Variants in SLC45A2 observed in about 807,000 individuals in gnomAD.
The protein encoded by SLC45A2 is membrane-associated transporter protein.
SLC45A2 carries 36 observed loss-of-function variants against 45.5 expected under a neutral mutation model. The ratio of observed to expected loss-of-function variants is 0.79; its 90% CI spans 0.61 to 1.04. The LOEUF (loss-of-function observed/expected upper bound fraction) is 1.04. Among genes scored for constraint, SLC45A2 ranks in the 50% least tolerant of loss-of-function variants. SLC45A2 has a pLI of 0.00. For missense variants in SLC45A2, 719 were observed against 671.0 expected, an observed-to-expected ratio of 1.07 and a Z score of -0.79; for synonymous variants, 306 against 269.3, an observed-to-expected ratio of 1.14 and a Z score of -1.33.
At chr5:33,980,299 C>T (rs1196353389) in intron 2 of SLC45A2, among the ~76,000 whole-genome samples, 1 of 151,984 alleles carries the variant, frequency 6.6e-6, no homozygotes, top group Non-Finnish European at 1.5e-5. Context: ...TATAGCTTTG[C>T]CAATTTCTAG....
chr5:33,982,663 A>T (rs1252515335), intron 1 of SLC45A2, among the ~76,000 whole-genome samples: 5 of 152,328 alleles, frequency 3.3e-5, no homozygotes, highest in Admixed American at 2.6e-4. Flanking sequence ...GGAAAAGTGG[A>T]CGTGACTATT....
At chr5:33,979,519 G>C (rs958609044) in intron 2 of SLC45A2, among the ~76,000 whole-genome samples, 10 of 152,206 alleles carry the variant, frequency 6.6e-5, no homozygotes, top group Non-Finnish European at 8.8e-5. Flanking sequence ...AAAGGGAAGA[G>C]TGAGGAGTAC....
chr5:33,975,524 T>C (rs1163625491), intron 2 of SLC45A2, among the ~76,000 whole-genome samples: 5 of 152,212 alleles, frequency 3.3e-5, no homozygotes, highest in African/African-American at 4.8e-5. Flanking sequence ...TATCCTTTAA[T>C]TATTTACTCA....
intron 2 of SLC45A2, among the ~76,000 whole-genome samples, chr5:33,965,200 A>G (rs927231742): frequency 6.6e-6 from 1 of 152,220 alleles, no homozygotes; most frequent in Non-Finnish European, 1.5e-5. Flanking sequence ...GATAAGGACA[A>G]TATCTTCACA....
At chr5:33,964,343 T>C (rs1752541760) in intron 2 of SLC45A2, among the ~76,000 whole-genome samples, 1 of 152,202 alleles carries the variant, frequency 6.6e-6, no homozygotes, top group African/African-American at 2.4e-5. Context: ...AAGGGCTTAC[T>C]AAGTATTGCT....
intron 6 of SLC45A2, among the ~76,000 whole-genome samples, chr5:33,945,699 TG>T (rs1470758872): frequency 2.0e-5 from 3 of 152,188 alleles, no homozygotes; most frequent in African/African-American, 7.2e-5. Context: ...TCCACTAATT[TG>T]TTTGCTTTTC....
intron 2 of SLC45A2, among the ~76,000 whole-genome samples, chr5:33,978,033 T>C (rs780652903): frequency 6.6e-6 from 1 of 152,104 alleles, no homozygotes; most frequent in Non-Finnish European, 1.5e-5. Context: ...AAACCAATAA[T>C]AAAATTCTAA....
chr5:33,947,562 A>G (rs1377481570), intron 5 of SLC45A2, among the ~76,000 whole-genome samples, 188 bp from the exon 6 acceptor site: 2 of 152,214 alleles, frequency 1.3e-5, no homozygotes, highest in Admixed American at 6.5e-5. Flanking sequence ...AGACCTTTCC[A>G]TAAAGGACAG....
chr5:33,955,044 C>T (rs1282743392), intron 3 of SLC45A2, among the ~76,000 whole-genome samples: 1 of 152,098 alleles, frequency 6.6e-6, no homozygotes, highest in Non-Finnish European at 1.5e-5. Context: ...AGGGAGATTA[C>T]CTGGTTGATC....
chr5:33,961,727 A>C (rs1298043012), intron 3 of SLC45A2, among the ~76,000 whole-genome samples: 1 of 152,198 alleles, frequency 6.6e-6, no homozygotes, highest in Admixed American at 6.5e-5. Flanking sequence ...ACAGCGCTGA[A>C]TGCTGCCTCT....
rs962024714 is a variant in SLC45A2, at chr5:33,982,168, G to A, written c.562+68C>T. 5.1e-6 allele frequency: 8 copies of A among 1,570,092 alleles called. No homozygotes were observed. The African/African-American group carries it at 9.5e-5, about 19-fold the overall frequency. Reference sequence around the variant, plus strand: ...AAAAACTCCACGTGTAGAGACACTGGATGGCTTTAGTGGAAGTGCCTCATT... The same window carrying A: ...AAAAACTCCACGTGTAGAGACACTGAATGGCTTTAGTGGAAGTGCCTCATT... On this transcript the variant is annotated intron_variant, in intron 2 of 6. Transcript: ENST00000296589.
intron 2 of SLC45A2, among the ~76,000 whole-genome samples, chr5:33,971,815 C>T (rs569783110): frequency 1.6e-4 from 24 of 152,120 alleles, no homozygotes; most frequent in South Asian, 8.3e-4. Context: ...TTAGTACAGA[C>T]GAGATTTCAC....
At chr5:33,947,035 G>A in intron 6 of SLC45A2, 128 bp downstream of exon 6, 1 of 1,604,804 alleles carries the variant, frequency 6.2e-7, no homozygotes. Flanking sequence ...CAGTTGGTTG[G>A]GCATTTGACT....
chr5:33,947,506 C>T, intron 5 of SLC45A2, 132 bp from the exon 6 acceptor site: 1 of 886,838 alleles, frequency 1.1e-6, no homozygotes, highest in East Asian at 2.6e-5. Context: ...CAAAAGAATC[C>T]CCTTATCTGT....
intron 3 of SLC45A2, among the ~76,000 whole-genome samples, chr5:33,958,740 G>GA (rs1752351073): frequency 6.6e-6 from 1 of 152,056 alleles, no homozygotes; most frequent in Non-Finnish European, 1.5e-5. Flanking sequence ...TTTTTCATGT[G>GA]GCCCCTACTA....
At chr5:33,966,321 T>G (rs1333369273) in intron 2 of SLC45A2, among the ~76,000 whole-genome samples, 1 of 151,962 alleles carries the variant, frequency 6.6e-6, no homozygotes, top group East Asian at 1.9e-4. Context: ...TGTAAATGAC[T>G]CTACAAACTT....
Position 33,964,070 on chromosome 5 carries a change from C to A in SLC45A2, c.563-54G>T. The stretch of plus-strand genomic sequence containing the variant: ...TATTTAGCAAATTATCGTTCATTTT[C>A]CTCATGCATAGACACTCCCCTTCAG... On this transcript the variant is annotated intron_variant, in intron 2 of 6. Coordinates refer to ENST00000296589, the MANE Select transcript of SLC45A2 (RefSeq NM_016180.5). 7 of 1,567,060 alleles carry A rather than the reference C, an allele frequency of 4.5e-6. No individual in the cohort carries two copies. The South Asian group carries it at 8.0e-5, about 18-fold the overall frequency.
At chr5:33,973,329 T>C (rs1051126592) in intron 2 of SLC45A2, among the ~76,000 whole-genome samples, 19 of 152,212 alleles carry the variant, frequency 1.2e-4, no homozygotes, top group African/African-American at 4.6e-4. Context: ...ATCCACAAGC[T>C]GAAATCCCTG....
intron 2 of SLC45A2, among the ~76,000 whole-genome samples, chr5:33,967,889 A>C (rs1485213384): frequency 6.6e-6 from 1 of 151,552 alleles, no homozygotes; most frequent in Admixed American, 6.6e-5. Flanking sequence ...TTCCTTTATT[A>C]ATGTGTTAAT....
Sources: allele counts gnomAD v4.1 joint callset (sites outside exome capture counted in the v4.1 genomes callset), GRCh38; gene constraint gnomAD v4.1.1; transcripts MANE v1.5; gene names NCBI Gene and HGNC (gene_info 2026-07-23, HGNC 2026-07-21).